CYP4V2: variants seen among roughly 807,000 people sequenced by gnomAD.
CYP4V2 encodes cytochrome P450 family 4 subfamily V member 2.
CYP4V2 carries 55 observed loss-of-function variants against 60.8 expected under a neutral mutation model. The observed-to-expected ratio is 0.90, with a 90% CI of 0.73 to 1.13. CYP4V2 has a LOEUF of 1.13. Among genes scored for constraint, CYP4V2 ranks in the 50% most tolerant of loss-of-function variants. The pLI, the probability that CYP4V2 is intolerant of heterozygous loss-of-function variation, is 0.00. For missense variants in CYP4V2, 675 were observed against 662.9 expected, an observed-to-expected ratio of 1.02 and a Z score of -0.20; for synonymous variants, 239 against 236.8, an observed-to-expected ratio of 1.01 and a Z score of -0.08.
chr4:186,205,352 G>C, intron 8 of CYP4V2, 50 bp downstream of exon 8: 1 of 1,529,974 alleles, frequency 6.5e-7, no homozygotes, highest in Non-Finnish European at 9.1e-7. Flanking sequence ...GTCTGCTGCA[G>C]AGATGTCACT....
chr4:186,210,821 C>A lies in CYP4V2; in HGVS notation c.*180C>A. 1 of 709,864 alleles carries A rather than the reference C, an allele frequency of 1.4e-6. No individual in the cohort carries two copies. Among genetic ancestry groups the A allele is most frequent in the Non-Finnish European group, 2.3e-6 (1 of 442,876 alleles). 44.0% of individuals were successfully genotyped at this position (709,864 alleles called of 1,614,324 possible). Reference sequence around the variant, plus strand: ...GAAAAAGTTTTGAGTTTTGTATTTTCTTTTTTCTTTTTTCTTTATTTTTTT... The same window carrying A: ...GAAAAAGTTTTGAGTTTTGTATTTTATTTTTTCTTTTTTCTTTATTTTTTT... On this transcript the variant is annotated 3_prime_UTR_variant, in exon 11 of 11. Transcript: ENST00000378802.
chr4:186,197,867 TGAGAA>T (rs1220093264), intron 5 of CYP4V2, among the ~76,000 whole-genome samples: 1 of 152,246 alleles, frequency 6.6e-6, no homozygotes, highest in African/African-American at 2.4e-5. Context: ...ATTATGATGC[TGAGAA>T]AAGAAAGATA....
In CYP4V2 at chr4:186,208,883, C is replaced by A. The variant is rs1736613390; in HGVS notation, c.1109C>A (p.Ala370Asp). 1 of 1,614,192 alleles carries A rather than the reference C, an allele frequency of 6.2e-7. No individual in the cohort carries two copies. The highest frequency in any genetic ancestry group is 8.5e-7 in the Non-Finnish European group (1 of 1,180,026). ...TCATCAGGGAAGTCTGACCGTCCCGCTACAGTAGAAGACCTGAAGAAACTT... is the reference window on the plus strand; with the variant it reads ...TCATCAGGGAAGTCTGACCGTCCCGATACAGTAGAAGACCTGAAGAAACTT... ...DDVFGKSDRP[A>D]TVEDLKKLRY... The change falls in exon 9 of 11, where the codon GCT (alanine) becomes GAT (aspartate). Residue 370 changes from alanine (A) to aspartate (D), a missense_variant. By Grantham distance (126) the Ala-to-Asp change is moderately radical. Coordinates refer to ENST00000378802, the MANE Select transcript of CYP4V2 (RefSeq NM_207352.4).
Position 186,211,908 on chromosome 4 carries a change from C to T in CYP4V2, c.*1267C>T, listed in dbSNP as rs1365795234. On this transcript the variant is annotated 3_prime_UTR_variant, in exon 11 of 11. Coordinates refer to ENST00000378802, the MANE Select transcript of CYP4V2 (RefSeq NM_207352.4). ...CACTTATAGTCTTCATTTAATTCCT[C>T]ATAGAATCCCAGTCACCTTTATATA... 1 of 152,170 alleles carries T rather than the reference C, an allele frequency of 6.6e-6. No homozygotes were observed. Among genetic ancestry groups the T allele is most frequent in the Non-Finnish European group, 1.5e-5 (1 of 68,044 alleles). 9.4% of individuals were successfully genotyped at this position (152,170 alleles called of 1,614,324 possible). A position where few individuals can be genotyped will look rare whatever the true frequency, so the allele number is the denominator to read the frequency against.
intron 1 of CYP4V2, among the ~76,000 whole-genome samples, chr4:186,192,604 G>GGAGGGTGTCAAAC (rs763901715): frequency 6.0e-4 from 92 of 152,104 alleles, no homozygotes; most frequent in Non-Finnish European, 1.1e-3. Flanking sequence ...AGACTTCTTT[G>GGAGGGTGTCAAAC]GAGGGTGTCA....
rs1346140935 is a variant in CYP4V2, at chr4:186,209,187, G to T, written c.1320G>T (p.Gln440His). The part of the protein sequence containing the change: ...PRYFPNPEEF[Q>H]PERFFPENAQ... Reference sequence around the variant, plus strand: ...ACTTCCCCAACCCCGAGGAGTTCCAGCCTGAGCGGTTCTTCCCCGAGAATG... The same window carrying T: ...ACTTCCCCAACCCCGAGGAGTTCCATCCTGAGCGGTTCTTCCCCGAGAATG... The change falls in exon 10 of 11, where the codon CAG (glutamine) becomes CAT (histidine). Residue 440 changes from glutamine (Q) to histidine (H), a missense_variant. Coordinates refer to ENST00000378802, the MANE Select transcript of CYP4V2 (RefSeq NM_207352.4). 7 of 1,614,058 alleles carry T rather than the reference G, an allele frequency of 4.3e-6. No individual in the cohort carries two copies. In the South Asian group the frequency reaches 5.5e-5, roughly 13 times the overall value.
At chr4:186,196,388 C>T in intron 3 of CYP4V2, 2 of 428,166 alleles carry the variant, frequency 4.7e-6, no homozygotes, top group South Asian at 4.5e-5. Context: ...CACAGTAAAG[C>T]AAAGGAGTGT....
intron 7 of CYP4V2, chr4:186,204,903 A>G: frequency 4.5e-6 from 2 of 444,914 alleles, no homozygotes; most frequent in Non-Finnish European, 8.3e-6. Flanking sequence ...TCTGTTCACA[A>G]AGGCGCAGCT....
intron 6 of CYP4V2, among the ~76,000 whole-genome samples, chr4:186,199,568 G>A (rs1736250530): frequency 1.3e-5 from 2 of 152,156 alleles, no homozygotes; most frequent in Non-Finnish European, 2.9e-5. Context: ...CAAACAGGGT[G>A]CTGTGTAAAA....
At chr4:186,198,549 T>G (rs1426421042) in intron 5 of CYP4V2, among the ~76,000 whole-genome samples, 1 of 152,162 alleles carries the variant, frequency 6.6e-6, no homozygotes, top group Non-Finnish European at 1.5e-5. Context: ...GAGCCCTCGC[T>G]TGTAGAAGAG....
chr4:186,198,276 G>C (rs1160498339), intron 5 of CYP4V2, among the ~76,000 whole-genome samples: 1 of 152,166 alleles, frequency 6.6e-6, no homozygotes, highest in Non-Finnish European at 1.5e-5. Context: ...TTTTGTAGTA[G>C]TACACAAAAC....
Position 186,204,399 on chromosome 4 carries a change from A to AGGCGGC in CYP4V2, c.988-799_988-798insCGGCGG, listed in dbSNP as rs1491076317. On this transcript the variant is annotated intron_variant, in intron 7 of 10. Coordinates refer to ENST00000378802, the MANE Select transcript of CYP4V2 (RefSeq NM_207352.4). ...GGTGGAGGCGCTACGCTGGCGTAAG[A>AGGCGGC]GGTGGCGGTGGAGACGTTTCGCTGG... The AGGCGGC allele has an allele frequency of 3.3e-3, 187 of 55,968 alleles. 44 individuals are homozygous for AGGCGGC. Among genetic ancestry groups the AGGCGGC allele is most frequent in the East Asian group, 8.9e-3 (20 of 2,246 alleles). The allele number at this position is 55,968 out of a possible 1,614,324, so 3.5% of individuals were successfully genotyped here.
intron 1 of CYP4V2, among the ~76,000 whole-genome samples, chr4:186,193,650 G>A (rs1056907227): frequency 6.6e-6 from 1 of 152,170 alleles, no homozygotes; most frequent in Admixed American, 6.5e-5. Context: ...CTAGAAGTCA[G>A]TTAGAGTAAG....
intron 8 of CYP4V2, 94 bp downstream of exon 8, chr4:186,205,396 T>G (rs1736468297): frequency 8.4e-7 from 1 of 1,194,376 alleles, no homozygotes; most frequent in Non-Finnish European, 1.3e-6. Context: ...GCAGGAAGGC[T>G]CCCCCACGGG....
chr4:186,192,380 G>A (rs1736017543), intron 1 of CYP4V2: 2 of 499,476 alleles, frequency 4.0e-6, no homozygotes, highest in Admixed American at 5.4e-5. Context: ...CTCCCTGGGA[G>A]CACAGAGCGG....
chr4:186,204,349 G>GTTT (rs1736425565), intron 7 of CYP4V2: 2 of 95,712 alleles, frequency 2.1e-5, no homozygotes, highest in Non-Finnish European at 4.5e-5. Context: ...GGCGGTGGAG[G>GTTT]CGCTACGCTG....
chr4:186,191,751 G>C lies in CYP4V2; in HGVS notation c.-73G>C, dbSNP rs1382463612. 1.6e-5 allele frequency: 21 copies of C among 1,304,552 alleles called. No individual in the cohort carries two copies. In the South Asian group the frequency reaches 3.8e-4, roughly 23 times the overall value. The allele number at this position is 1,304,552 out of a possible 1,614,324, so 80.8% of individuals were successfully genotyped here. ...GCGGGGAAGTGGGCGGTGTGCGGCCGGCACCGCCTCGCACCACGCCCCCGC... is the reference window on the plus strand; with the variant it reads ...GCGGGGAAGTGGGCGGTGTGCGGCCCGCACCGCCTCGCACCACGCCCCCGC... On this transcript the variant is annotated 5_prime_UTR_variant, in exon 1 of 11. Coordinates refer to ENST00000378802, the MANE Select transcript of CYP4V2 (RefSeq NM_207352.4).
chr4:186,210,164 A>T (rs1398820531), intron 10 of CYP4V2, among the ~76,000 whole-genome samples: 2 of 152,200 alleles, frequency 1.3e-5, no homozygotes, highest in Admixed American at 1.3e-4. Flanking sequence ...GTGAATCCAT[A>T]GTAAATGAAA....
chr4:186,192,345 G>T, intron 1 of CYP4V2: 1 of 605,230 alleles, frequency 1.7e-6, no homozygotes, highest in Non-Finnish European at 3.1e-6. Context: ...TCCTGCCTTG[G>T]CTTGGGAAGC....
Sources: allele counts gnomAD v4.1 joint callset (sites outside exome capture counted in the v4.1 genomes callset), GRCh38; gene constraint gnomAD v4.1.1; transcripts MANE v1.5; gene names NCBI Gene and HGNC (gene_info 2026-07-23, HGNC 2026-07-21).